The following PIP5K1B variants were observed in gnomAD, a reference collection of about 807,000 sequenced individuals.
PIP5K1B encodes the protein phosphatidylinositol-4-phosphate 5-kinase type 1 beta.
PIP5K1B carries 42 observed loss-of-function variants against 67.0 expected under a neutral mutation model. That is an observed-to-expected ratio of 0.63 (90% CI 0.49 to 0.81). The LOEUF (loss-of-function observed/expected upper bound fraction) is 0.81. Ranked by LOEUF, PIP5K1B falls within the 30% of genes least tolerant of loss-of-function variation. PIP5K1B has a pLI of 0.00. For missense variants in PIP5K1B, 459 were observed against 646.3 expected (o/e 0.71, Z 3.14); for synonymous variants, 214 against 231.4 (o/e 0.92, Z 0.68).
intron 1 of PIP5K1B, among the ~76,000 whole-genome samples, chr9:68,724,729 C>A (rs576920756): frequency 1.3e-5 from 2 of 151,942 alleles, no homozygotes; most frequent in Non-Finnish European, 2.9e-5. Context: ...TCGATTTGAT[C>A]ACTGTTCACA....
At chr9:68,891,352 C>T (rs1489264934) in intron 7 of PIP5K1B, among the ~76,000 whole-genome samples, 2 of 151,896 alleles carry the variant, frequency 1.3e-5, no homozygotes, top group Non-Finnish European at 2.9e-5. Context: ...GTGAACGTCA[C>T]GTGGTTACCC....
chr9:68,910,683 C>T (rs1825807986), intron 8 of PIP5K1B, among the ~76,000 whole-genome samples: 1 of 152,112 alleles, frequency 6.6e-6, no homozygotes, highest in African/African-American at 2.4e-5. Flanking sequence ...CAGAGGGACA[C>T]TAATAATGTG....
chr9:68,742,179 A>G (rs1829042689), intron 1 of PIP5K1B: 1 of 152,198 alleles, frequency 6.6e-6, no homozygotes, highest in African/African-American at 2.4e-5. Flanking sequence ...GTTTTACTAC[A>G]TCACTAGATG....
rs117724655 is a variant in PIP5K1B at position 69,000,853 on chromosome 9, G to A, written c.1621-7594G>A. On this transcript the variant is annotated intron_variant, in intron 15 of 15. Coordinates refer to ENST00000265382, the MANE Select transcript of PIP5K1B (RefSeq NM_003558.4). ...TGTTTTTGTAAAGGAAAATGCCGCC[G>A]AGGAAAGTGCTGAGATGGAAAAGGC... 3.1e-4 allele frequency among the ~76,000 whole-genome samples: 47 copies of A among 151,668 alleles called. 1 individual carries two copies. The East Asian group carries it at 6.2e-3, about 20-fold the overall frequency.
chr9:68,858,287 G>A (rs6560400), intron 4 of PIP5K1B, among the ~76,000 whole-genome samples: 128,146 of 152,092 alleles, frequency 0.84, 55,055 homozygotes, highest in Non-Finnish European at 0.93. Context: ...TCTTGCTGTT[G>A]ACAGGTGATA....
chr9:68,761,860 G>GAT (rs1478359794), intron 2 of PIP5K1B, among the ~76,000 whole-genome samples: 2 of 152,112 alleles, frequency 1.3e-5, no homozygotes, highest in Non-Finnish European at 2.9e-5. Context: ...CTTGCCGTGT[G>GAT]ATAGACTATA....
At chr9:68,947,790 A>G (rs1827873131) in intron 14 of PIP5K1B, among the ~76,000 whole-genome samples, 1 of 152,230 alleles carries the variant, frequency 6.6e-6, no homozygotes, top group Non-Finnish European at 1.5e-5. Flanking sequence ...AGTCTGTCTG[A>G]CAATCAGTAA....
intron 14 of PIP5K1B, among the ~76,000 whole-genome samples, chr9:68,953,443 G>T (rs1379778761): frequency 2.0e-5 from 3 of 151,776 alleles, no homozygotes; most frequent in Non-Finnish European, 4.4e-5. Context: ...TAGTCTACAT[G>T]TTCTATACTG....
At chr9:68,792,464 TGTTG>T (rs1197633444) in intron 2 of PIP5K1B, among the ~76,000 whole-genome samples, 1 of 145,670 alleles carries the variant, frequency 6.9e-6, no homozygotes, top group Non-Finnish European at 1.5e-5. Context: ...GTTTTTTTGT[TGTTG>T]TTTGTTTGTT....
intron 4 of PIP5K1B, among the ~76,000 whole-genome samples, chr9:68,838,555 T>G (rs1176623477): frequency 6.6e-6 from 1 of 152,214 alleles, no homozygotes; most frequent in African/African-American, 2.4e-5. Context: ...GAAAGTTTTT[T>G]TCTGCCTCCA....
chr9:68,723,193 A>T (rs1827976619), intron 1 of PIP5K1B, among the ~76,000 whole-genome samples: 1 of 31,946 alleles, frequency 3.1e-5, no homozygotes, highest in Admixed American at 3.3e-4. Flanking sequence ...AGAGAGAGAG[A>T]GAGAGGGAGA....
At chr9:68,888,643 A>AT in intron 6 of PIP5K1B, among the ~76,000 whole-genome samples, 2 of 152,316 alleles carry the variant, frequency 1.3e-5, no homozygotes, top group South Asian at 2.1e-4. Context: ...TTCACTTGTT[A>AT]TTTTATGGAC....
intron 4 of PIP5K1B, among the ~76,000 whole-genome samples, chr9:68,842,549 C>T (rs1371542370): frequency 2.0e-5 from 3 of 152,160 alleles, no homozygotes; most frequent in East Asian, 1.9e-4. Context: ...TGTACTTCCA[C>T]CTATAGATAG....
intron 4 of PIP5K1B, among the ~76,000 whole-genome samples, chr9:68,834,002 G>A (rs1012695422): frequency 6.6e-6 from 1 of 152,338 alleles, no homozygotes; most frequent in Admixed American, 6.5e-5. Flanking sequence ...AATAGATGGA[G>A]AAGAGAGGCC....
At chr9:68,781,101 G>T (rs1217303644) in intron 2 of PIP5K1B, 1 of 1,512,104 alleles carries the variant, frequency 6.6e-7, no homozygotes, top group African/African-American at 1.4e-5. Flanking sequence ...ACTGAACTTT[G>T]TCAATTAATT....
chr9:68,784,565 T>A (rs1288340266), intron 2 of PIP5K1B: 1 of 166,976 alleles, frequency 6.0e-6, no homozygotes, highest in Non-Finnish European at 1.5e-5. Flanking sequence ...ACCAGTTTAT[T>A]TGGCAATAAA....
chr9:68,759,560 A>G (rs1830095314), intron 2 of PIP5K1B, among the ~76,000 whole-genome samples: 1 of 152,164 alleles, frequency 6.6e-6, no homozygotes, highest in Non-Finnish European at 1.5e-5. Context: ...ACAGAAAACA[A>G]GTAATAAAAT....
chr9:68,744,084 C>A (rs1271850379), intron 2 of PIP5K1B, among the ~76,000 whole-genome samples: 2 of 152,138 alleles, frequency 1.3e-5, no homozygotes, highest in African/African-American at 4.8e-5. Flanking sequence ...AGAACGAGAA[C>A]CACTGATGTA....
chr9:68,970,055 G>A (rs535546242), intron 14 of PIP5K1B, among the ~76,000 whole-genome samples: 3 of 152,168 alleles, frequency 2.0e-5, no homozygotes, highest in East Asian at 3.9e-4. Flanking sequence ...GAAAACCAGG[G>A]TGCATAGAAG....
Sources: allele counts gnomAD v4.1 joint callset (sites outside exome capture counted in the v4.1 genomes callset), GRCh38; gene constraint gnomAD v4.1.1; transcripts MANE v1.5; gene names NCBI Gene and HGNC (gene_info 2026-07-23, HGNC 2026-07-21).